The following ANKRD36C variants were observed in gnomAD, a reference collection of about 807,000 sequenced individuals.
ANKRD36C encodes the protein ankyrin repeat domain 36C.
A neutral mutation model predicts 276.4 loss-of-function variants in ANKRD36C; 61 were observed. The observed-to-expected ratio is 0.22, with a 90% confidence interval of 0.18 to 0.27. The LOEUF (loss-of-function observed/expected upper bound fraction) is 0.27, where lower values mean the gene tolerates loss of function less well. Among genes scored for constraint, ANKRD36C ranks in the 10% least tolerant of loss-of-function variants. The pLI is 1.00. For missense variants in ANKRD36C, 1,447 were observed against 2,032.3 expected (o/e 0.71, Z 5.54); for synonymous variants, 483 against 680.1 (o/e 0.71, Z 4.51).
At chr2:95,955,872 T>G (rs1197818013) in intron 13 of ANKRD36C, among the ~76,000 whole-genome samples, 1 of 152,164 alleles carries the variant, frequency 6.6e-6, no homozygotes, top group Non-Finnish European at 1.5e-5. Context: ...CATTCTGAAA[T>G]TCTAAGCACC....
intron 19 of ANKRD36C, among the ~76,000 whole-genome samples, chr2:95,944,187 G>A (rs1336911529): frequency 7.9e-5 from 12 of 151,970 alleles, no homozygotes; most frequent in Admixed American, 2.0e-4. Context: ...TAAATTCACC[G>A]CTTTTGAGGT....
At chr2:95,958,310 A>G (rs563028139) in intron 12 of ANKRD36C, among the ~76,000 whole-genome samples, 42 of 152,160 alleles carry the variant, frequency 2.8e-4, no homozygotes, top group African/African-American at 9.1e-4. Flanking sequence ...GTAGAATTAA[A>G]GCAAAATTAT....
intron 61 of ANKRD36C, 150 bp downstream of exon 81, chr2:95,859,711 A>G (rs1675517051): frequency 1.9e-5 from 17 of 879,308 alleles, no homozygotes; most frequent in Non-Finnish European, 2.9e-5. Flanking sequence ...AACTTGTGAT[A>G]TTATATCCAA....
rs372882854 is a variant in ANKRD36C, at chr2:95,921,599, A to G, written c.2245+8T>C. The G allele has an allele frequency of 1.4e-3, 2,188 of 1,603,430 alleles. 59 individuals carry two copies. In the South Asian group the frequency reaches 0.023, roughly 17 times the overall value. Reference sequence around the variant, plus strand: ...GAACATGACATTAAATGTCTTTTGCAAAATTACCTGTCCCAGATTTTTCTC... The same window carrying G: ...GAACATGACATTAAATGTCTTTTGCGAAATTACCTGTCCCAGATTTTTCTC... On this transcript the variant is annotated splice_region_variant and intron_variant, in intron 34 of 66. Coordinates refer to ENST00000456556, the Ensembl canonical transcript of ANKRD36C.
At chr2:95,921,083 A>T (rs1677251050) in intron 34 of ANKRD36C, among the ~76,000 whole-genome samples, 1 of 150,616 alleles carries the variant, frequency 6.6e-6, no homozygotes, top group African/African-American at 2.5e-5. Flanking sequence ...TCCTCAGCAG[A>T]AACCCCTAAA....
At chr2:95,920,301 C>T (rs1286299791) in intron 34 of ANKRD36C, among the ~76,000 whole-genome samples, 1 of 132,394 alleles carries the variant, frequency 7.6e-6, no homozygotes, top group Non-Finnish European at 1.7e-5. Context: ...TTTCGTGCAA[C>T]AAATCAAAAG....
At chr2:95,870,543 G>C (rs1356793408) in intron 59 of ANKRD36C, among the ~76,000 whole-genome samples, 2 of 152,106 alleles carry the variant, frequency 1.3e-5, no homozygotes, top group African/African-American at 4.8e-5. Context: ...ACCAAAAGTA[G>C]ATAAAACCTC....
At chr2:95,867,740 T>C (rs1260486386) in intron 59 of ANKRD36C, among the ~76,000 whole-genome samples, 159 bp from the exon 80 acceptor site, 3 of 151,904 alleles carry the variant, frequency 2.0e-5, no homozygotes, top group East Asian at 3.9e-4. Flanking sequence ...TTGACTCTAG[T>C]TCAGAAGACC....
intron 59 of ANKRD36C, among the ~76,000 whole-genome samples, chr2:95,873,537 T>C (rs1367621528): frequency 6.6e-6 from 1 of 152,190 alleles, no homozygotes; most frequent in African/African-American, 2.4e-5. Flanking sequence ...AAGAGCTATC[T>C]ATGACAAACC....
intron 6 of ANKRD36C, among the ~76,000 whole-genome samples, chr2:95,970,733 T>G (rs1678681053): frequency 6.6e-6 from 1 of 152,188 alleles, no homozygotes; most frequent in Non-Finnish European, 1.5e-5. Context: ...AGAAACATAT[T>G]TGTATGCCTA....
intron 42 of ANKRD36C, 32 bp from the exon 48 acceptor site, chr2:95,908,606 A>G (rs1158236106): frequency 6.4e-7 from 1 of 1,564,454 alleles, no homozygotes; most frequent in East Asian, 2.3e-5. Context: ...ATAATAAATT[A>G]ATAAAGTATG....
chr2:95,929,203 G>A, intron 25 of ANKRD36C, 36 bp downstream of exon 25: 1 of 1,595,734 alleles, frequency 6.3e-7, no homozygotes, highest in Non-Finnish European at 8.5e-7. Flanking sequence ...AGACTATACA[G>A]TTAATAGTTC....
chr2:95,984,952 G>T (rs2918832), intron 3 of ANKRD36C, among the ~76,000 whole-genome samples: 1 of 152,074 alleles, frequency 6.6e-6, no homozygotes, highest in Non-Finnish European at 1.5e-5. Flanking sequence ...CACATTTCTA[G>T]GTACTTAACT....
intron 6 of ANKRD36C, among the ~76,000 whole-genome samples, chr2:95,973,580 A>G (rs1401627110): frequency 3.9e-5 from 6 of 152,206 alleles, no homozygotes; most frequent in Non-Finnish European, 5.9e-5. Context: ...ATAAAACTAA[A>G]AATATCTATT....
At position 95,927,361 on chromosome 2, in the gene ANKRD36C, A is replaced by G. The variant is rs892343603; in HGVS notation, c.1866+20T>C. The G allele has an allele frequency of 5.6e-6, 9 of 1,606,734 alleles. No individual in the cohort carries two copies. The highest frequency in any genetic ancestry group is 1.3e-5 in the African/African-American group (1 of 74,668). On this transcript the variant is annotated intron_variant, in intron 27 of 66. Coordinates refer to ENST00000456556, the Ensembl canonical transcript of ANKRD36C. ...GACTATACAGTTAATAGTTCAACAT[A>G]TAAATGAGTCTTTAATTACCTTCTC...
intron 61 of ANKRD36C, among the ~76,000 whole-genome samples, chr2:95,857,866 G>A (rs1185012371): frequency 1.4e-4 from 20 of 148,102 alleles, no homozygotes; most frequent in African/African-American, 4.4e-4. Flanking sequence ...TTTTGGGTCT[G>A]ATAAGAAACA....
At chr2:95,954,283 C>A (rs1392180748) in intron 13 of ANKRD36C, among the ~76,000 whole-genome samples, 1 of 152,110 alleles carries the variant, frequency 6.6e-6, no homozygotes, top group Non-Finnish European at 1.5e-5. Flanking sequence ...TAGTGACAGG[C>A]ATTATAATGG....
chr2:95,944,692 C>G (rs1306329278), exon 19 of ANKRD36C: 4 of 1,537,040 alleles, frequency 2.6e-6, no homozygotes, highest in Non-Finnish European at 3.5e-6. Context: ...CATGCAGCAT[C>G]TACTACAGTA....
chr2:95,965,829 T>A (rs1678575955), intron 6 of ANKRD36C, among the ~76,000 whole-genome samples: 1 of 152,200 alleles, frequency 6.6e-6, no homozygotes, highest in Non-Finnish European at 1.5e-5. Flanking sequence ...GCAGTCATTG[T>A]GTGTACTGTC....
Sources: allele counts gnomAD v4.1 joint callset (sites outside exome capture counted in the v4.1 genomes callset), GRCh38; gene constraint gnomAD v4.1.1; transcripts MANE v1.5; gene names NCBI Gene and HGNC (gene_info 2026-07-23, HGNC 2026-07-21).